DCUN1D2: variants seen among roughly 807,000 people sequenced by gnomAD.
DCUN1D2 encodes defective in cullin neddylation 1 domain containing 2.
In DCUN1D2, 29 loss-of-function variants were observed where a neutral mutation model predicts 30.9. The ratio of observed to expected loss-of-function variants is 0.94; its 90% CI spans 0.70 to 1.28. DCUN1D2 has a LOEUF of 1.28. DCUN1D2 is among the 50% of genes most tolerant of loss of function. The pLI is 0.00. For missense variants in DCUN1D2, 325 were observed against 316.9 expected, an observed-to-expected ratio of 1.03 and a Z score of -0.19; for synonymous variants, 121 against 115.3, an observed-to-expected ratio of 1.05 and a Z score of -0.32.
rs774401901 is a variant in DCUN1D2, at chr13:113,483,993, C to T, written c.67G>A (p.Glu23Lys). 1 of 1,614,208 alleles carries T rather than the reference C, an allele frequency of 6.2e-7. No homozygotes were observed. Among genetic ancestry groups the T allele is most frequent in the Admixed American group, 1.7e-5 (1 of 60,034 alleles). ...RQFMACTQAG[E>K]RTAIYCLTQN... ...GTTAAGCAGTAGATAGCAGTTCTCT[C>T]GCCAGCCTGAGTGCACGCCATAAAC... The change falls in exon 2 of 7, where the codon GAG becomes AAG. Residue 23 changes from glutamate (E) to lysine (K), a missense_variant. Physicochemically the swap from Glu to Lys is moderately conservative, Grantham distance 56. Transcript: ENST00000478244.
intron 3 of DCUN1D2, among the ~76,000 whole-genome samples, chr13:113,478,375 C>T (rs1201444733): frequency 6.6e-6 from 1 of 151,894 alleles, no homozygotes; most frequent in African/African-American, 2.4e-5. Flanking sequence ...TATCTCGTCC[C>T]CCTTTTCATC....
At position 113,475,092 on chromosome 13, in the gene DCUN1D2, C is replaced by T. The variant is rs78726072; in HGVS notation, c.390-838G>A. ...GCAACACTTACTCAAGTAGAGTAGA[C>T]GTAAGGAAAGAACATTGAAGAAAGC... is the stretch of plus-strand genomic sequence containing the variant. On this transcript the variant is annotated intron_variant, in intron 3 of 6. Transcript: ENST00000478244. Among the ~76,000 whole-genome samples the T allele has an allele frequency of 6.7e-3, 1,012 of 152,170 alleles. 20 individuals are homozygous for T. Among genetic ancestry groups the T allele is most frequent in the African/African-American group, 0.022 (895 of 41,506 alleles).
At chr13:113,475,789 G>C (rs1276540290) in intron 3 of DCUN1D2, 1 of 152,336 alleles carries the variant, frequency 6.6e-6, no homozygotes, top group Non-Finnish European at 1.5e-5. Context: ...CTGTACCCCA[G>C]TTGGCACAAC....
At position 113,490,562 on chromosome 13, in the gene DCUN1D2, G is replaced by A; in HGVS notation, c.3+105C>T. 1 of 1,096,994 alleles carries A rather than the reference G, an allele frequency of 9.1e-7. No homozygotes were observed. The allele number at this position is 1,096,994 out of a possible 1,614,324, so 68.0% of individuals were successfully genotyped here. A position where few individuals can be genotyped will look rare whatever the true frequency, so the allele number is the denominator to read the frequency against. On this transcript the variant is annotated intron_variant, in intron 1 of 6. Coordinates refer to ENST00000478244, the MANE Select transcript of DCUN1D2 (RefSeq NM_001014283.2). This position sits in a 1 kb window ranked among gnomAD's most constrained non-coding sequence, Gnocchi z 5.2. ...GGATCCACGCGGAACGCCCCGCGCA[G>A]CTCGCTGGGCTCGGCCTCCCACATC...
chr13:113,468,188 C>T (rs962983984), intron 4 of DCUN1D2, among the ~76,000 whole-genome samples: 2 of 152,060 alleles, frequency 1.3e-5, no homozygotes, highest in African/African-American at 4.8e-5. Context: ...GTGGTCTATG[C>T]ACACAGGGAA....
chr13:113,466,185 T>C (rs74934786), intron 4 of DCUN1D2, among the ~76,000 whole-genome samples: 19,838 of 152,254 alleles, frequency 0.13, 1,806 homozygotes, highest in Admixed American at 0.26. Flanking sequence ...TGCTTGTTAG[T>C]TTCTAGAAAA....
At chr13:113,469,409 A>G (rs2316122) in intron 4 of DCUN1D2, among the ~76,000 whole-genome samples, 66,267 of 152,094 alleles carry the variant, frequency 0.44, 16,825 homozygotes, top group African/African-American at 0.7. Flanking sequence ...AGCTGAAACC[A>G]TGGCTCACGC....
At chr13:113,475,242 T>C (rs959801578) in intron 3 of DCUN1D2, 1 of 152,236 alleles carries the variant, frequency 6.6e-6, no homozygotes, top group Non-Finnish European at 1.5e-5. Context: ...AAAATCATAA[T>C]GGCACCTAGA....
intron 3 of DCUN1D2, chr13:113,476,118 C>T (rs1305959563): frequency 1.3e-5 from 2 of 152,326 alleles, no homozygotes; most frequent in South Asian, 2.1e-4. Context: ...GATTCATAAA[C>T]GCTACTGTTG....
chr13:113,471,906 C>A (rs1196966495), intron 4 of DCUN1D2, among the ~76,000 whole-genome samples: 6 of 152,220 alleles, frequency 3.9e-5, no homozygotes, highest in African/African-American at 1.4e-4. Flanking sequence ...TGGTGATGAG[C>A]AGGGGCTGCT....
At chr13:113,469,367 C>T (rs2044464661) in intron 4 of DCUN1D2, among the ~76,000 whole-genome samples, 1 of 152,138 alleles carries the variant, frequency 6.6e-6, no homozygotes, top group East Asian at 1.9e-4. Context: ...CTGGGAAACA[C>T]ACCAACAGAA....
At chr13:113,486,697 C>G (rs185215240) in intron 1 of DCUN1D2, among the ~76,000 whole-genome samples, 1 of 152,178 alleles carries the variant, frequency 6.6e-6, no homozygotes, top group African/African-American at 2.4e-5. Context: ...GGCCCTCACA[C>G]GTGCAGGCAG....
chr13:113,489,185 G>A (rs928022473), intron 1 of DCUN1D2: 2 of 981,542 alleles, frequency 2.0e-6, no homozygotes, highest in African/African-American at 1.8e-5. Context: ...TAGAGGGAGG[G>A]GGAGTTAAAT....
intron 1 of DCUN1D2, chr13:113,484,315 TG>T (rs1423329494): frequency 1.6e-6 from 1 of 631,098 alleles, no homozygotes; most frequent in Non-Finnish European, 2.4e-6. Flanking sequence ...TCACTCTGCA[TG>T]AAGTGTGACT....
At chr13:113,474,966 A>T (rs1232413220) in intron 3 of DCUN1D2, among the ~76,000 whole-genome samples, 1 of 152,244 alleles carries the variant, frequency 6.6e-6, no homozygotes, top group Non-Finnish European at 1.5e-5. Context: ...AAAAGTCAAT[A>T]ACCTTTAAAA....
chr13:113,459,161 T>C (rs2044276354), intron 6 of DCUN1D2, 151 bp downstream of exon 6: 1 of 540,706 alleles, frequency 1.8e-6, no homozygotes, highest in Non-Finnish European at 3.4e-6. Context: ...CCTATTTTTC[T>C]TTTGTATGAT....
intron 1 of DCUN1D2, 27 bp from the exon 2 acceptor site, chr13:113,484,083 G>A (rs1020782135): frequency 1.9e-6 from 3 of 1,610,432 alleles, no homozygotes; most frequent in Admixed American, 1.7e-5. Flanking sequence ...AAGTAGGAAA[G>A]CCAATGAAGC....
intron 6 of DCUN1D2, among the ~76,000 whole-genome samples, chr13:113,458,737 G>A (rs762789508): frequency 5.3e-5 from 8 of 152,300 alleles, no homozygotes; most frequent in South Asian, 2.1e-4. Flanking sequence ...TTAAAGGCAC[G>A]GCGCCAGGGC....
intron 4 of DCUN1D2, among the ~76,000 whole-genome samples, chr13:113,461,841 T>A (rs1278839262): frequency 6.6e-6 from 1 of 152,308 alleles, no homozygotes; most frequent in South Asian, 2.1e-4. Flanking sequence ...TTCAGGGCTG[T>A]CTCCAATCCA....
Sources: allele counts gnomAD v4.1 joint callset (sites outside exome capture counted in the v4.1 genomes callset), GRCh38; gene constraint gnomAD v4.1.1; non-coding constraint Gnocchi (gnomAD v3.1); transcripts MANE v1.5; gene names NCBI Gene and HGNC (gene_info 2026-07-23, HGNC 2026-07-21).